Variants in C12orf42 observed in about 807,000 individuals in gnomAD.
C12orf42 encodes chromosome 12 open reading frame 42, also known as uncharacterized protein C12orf42.
In C12orf42, 25 loss-of-function variants were observed where a neutral mutation model predicts 21.6. The ratio of observed to expected loss-of-function variants is 1.16; its 90% CI spans 0.84 to 1.62. C12orf42 has a LOEUF of 1.62. C12orf42 is among the 40% of genes most tolerant of loss of function. C12orf42 has a pLI of 0.00. For missense variants in C12orf42, 483 were observed against 459.3 expected, an observed-to-expected ratio of 1.05 and a Z score of -0.47; for synonymous variants, 174 against 175.0, an observed-to-expected ratio of 0.99 and a Z score of 0.05.
chr12:103,170,456 C>T, the C12orf42 span, among the ~76,000 whole-genome samples: 1 of 152,090 alleles, frequency 6.6e-6, no homozygotes, highest in African/African-American at 2.4e-5. Context: ...CAAGTTTTGA[C>T]CACTTTATAC....
intron 4 of C12orf42, among the ~76,000 whole-genome samples, chr12:103,316,866 C>T (rs753923072): frequency 5.3e-5 from 8 of 152,046 alleles, no homozygotes; most frequent in African/African-American, 1.2e-4. Flanking sequence ...AGTGAATGCT[C>T]TTCAGTATTA....
rs188732493 is a variant in C12orf42 at position 103,412,602 on chromosome 12, G to A, written c.79-10927C>T. Among the ~76,000 whole-genome samples the A allele has an allele frequency of 5.1e-4, 77 of 152,348 alleles. 1 individual carries two copies. The highest frequency in any genetic ancestry group is 5.0e-3 in the Admixed American group (76 of 15,296). ...GAGAATCACTTGAACCTGGGAGGCA[G>A]AGGTTGGCTTACTACAACTTACTGC... On this transcript the variant is annotated intron_variant, in intron 2 of 5. Coordinates refer to ENST00000548883, the MANE Select transcript of C12orf42 (RefSeq NM_198521.5).
chr12:103,366,263 G>A (rs964354035), intron 4 of C12orf42, among the ~76,000 whole-genome samples: 1 of 152,100 alleles, frequency 6.6e-6, no homozygotes, highest in African/African-American at 2.4e-5. Context: ...GAAGCCACAT[G>A]TAGAAGAATG....
intron 3 of C12orf42, among the ~76,000 whole-genome samples, chr12:103,370,385 C>A (rs1328145854): frequency 6.6e-6 from 1 of 151,706 alleles, no homozygotes; most frequent in Non-Finnish European, 1.5e-5. Flanking sequence ...ATATATATAC[C>A]CCCAAAGGAA....
At chr12:103,062,922 A>G in the C12orf42 span, among the ~76,000 whole-genome samples, 5 of 151,984 alleles carry the variant, frequency 3.3e-5, no homozygotes, top group East Asian at 1.9e-4. Context: ...GCGTTTTTTT[A>G]TGCCGTTGGC....
chr12:103,287,211 C>T (rs1189832169), intron 4 of C12orf42, among the ~76,000 whole-genome samples: 1 of 152,148 alleles, frequency 6.6e-6, no homozygotes, highest in Non-Finnish European at 1.5e-5. Context: ...TGGGTATATA[C>T]CCAAAGGATT....
intron 1 of C12orf42, among the ~76,000 whole-genome samples, chr12:103,486,777 G>C (rs1593007784): frequency 6.6e-6 from 1 of 152,242 alleles, no homozygotes; most frequent in Non-Finnish European, 1.5e-5. Context: ...TCTGATAGTA[G>C]TTTGTATTTC....
At chr12:103,457,394 C>A (rs1341698595) in intron 2 of C12orf42, among the ~76,000 whole-genome samples, 3 of 152,044 alleles carry the variant, frequency 2.0e-5, no homozygotes, top group East Asian at 3.9e-4. Flanking sequence ...GTTTATACCC[C>A]AAAAATTGCT....
intron 3 of C12orf42, among the ~76,000 whole-genome samples, chr12:103,371,335 G>C (rs1017352286): frequency 6.6e-6 from 1 of 152,140 alleles, no homozygotes; most frequent in African/African-American, 2.4e-5. Flanking sequence ...AGGAGGCAGA[G>C]ACGGAAGCTT....
At chr12:103,510,804 T>A in the C12orf42 span, among the ~76,000 whole-genome samples, 1 of 152,218 alleles carries the variant, frequency 6.6e-6, no homozygotes, top group East Asian at 1.9e-4. Flanking sequence ...TCTTACCCCT[T>A]CTTTAATGGC....
At chr12:103,335,041 G>T (rs1159897796) in intron 4 of C12orf42, among the ~76,000 whole-genome samples, 1 of 152,088 alleles carries the variant, frequency 6.6e-6, no homozygotes, top group Non-Finnish European at 1.5e-5. Context: ...TCATTGCTTT[G>T]TTTTTATTTT....
chr12:103,186,258 G>A, the C12orf42 span, among the ~76,000 whole-genome samples: 66 of 152,130 alleles, frequency 4.3e-4, 1 homozygote, highest in Non-Finnish European at 7.8e-4. Flanking sequence ...AAAGAAGTTC[G>A]TAGGGTTCCA....
chr12:103,369,613 C>T (rs917124762), intron 3 of C12orf42, among the ~76,000 whole-genome samples: 2 of 151,618 alleles, frequency 1.3e-5, no homozygotes, highest in African/African-American at 4.8e-5. Flanking sequence ...AGAGGAGGCT[C>T]TTAAATCAAG....
chr12:103,465,723 A>G lies in C12orf42; in HGVS notation c.78+12626T>C, dbSNP rs564710480. Reference sequence around the variant, plus strand: ...CCAGCTTTTGCCCATTCAGTATGATATTGGCTGTGGGTTTATCATAAATGG... The same window carrying G: ...CCAGCTTTTGCCCATTCAGTATGATGTTGGCTGTGGGTTTATCATAAATGG... On this transcript the variant is annotated intron_variant, in intron 2 of 5. Transcript: ENST00000548883. 5.3e-5 allele frequency among the ~76,000 whole-genome samples: 8 copies of G among 152,230 alleles called. No individual in the cohort carries two copies. The South Asian group carries it at 1.7e-3, about 32-fold the overall frequency.
At chr12:103,065,941 C>A in the C12orf42 span, among the ~76,000 whole-genome samples, 14 of 152,300 alleles carry the variant, frequency 9.2e-5, no homozygotes, top group African/African-American at 3.4e-4. Flanking sequence ...TCTGTCCAAG[C>A]TGCTGTATAA....
Position 103,306,233 on chromosome 12 carries a change from A to G in C12orf42, c.372T>C (p.Tyr124=), listed in dbSNP as rs762790379. 3.1e-6 allele frequency: 5 copies of G among 1,613,824 alleles called. No homozygotes were observed. Among genetic ancestry groups the G allele is most frequent in the African/African-American group, 1.3e-5 (1 of 74,942 alleles). ...GTGCTGGAGAGGAACGGAATTCTTCATAGCTTTCTTCATCAAAAGAAACTG... is the reference window on the plus strand; with the variant it reads ...GTGCTGGAGAGGAACGGAATTCTTCGTAGCTTTCTTCATCAAAAGAAACTG... ...VSTVSFDEES[Y]EEFRSSPAPS... The change falls in exon 5 of 6, where the codon TAT becomes TAC. Residue 124 remains tyrosine, a synonymous_variant. Transcript: ENST00000548883.
At chr12:103,265,799 CTGTTTTGTTT>C (rs3063704), downstream of C12orf42, among the ~76,000 whole-genome samples, 13,826 of 150,228 alleles carry the variant, frequency 0.092, 1,756 homozygotes, top group African/African-American at 0.29. Flanking sequence ...ATTTCTTAGG[CTGTTTTGTTT>C]TGTTTTGTTT....
intron 2 of C12orf42, among the ~76,000 whole-genome samples, chr12:103,448,601 G>T (rs538641397): frequency 2.6e-5 from 4 of 151,080 alleles, no homozygotes; most frequent in South Asian, 4.2e-4. Context: ...AAGAAAACAC[G>T]ATCTCATCAA....
At chr12:103,462,895 T>A (rs1468161891) in intron 2 of C12orf42, among the ~76,000 whole-genome samples, 3 of 152,198 alleles carry the variant, frequency 2.0e-5, no homozygotes, top group Non-Finnish European at 1.5e-5. Context: ...CTGGACAAGA[T>A]CACAGCAATG....
Sources: allele counts gnomAD v4.1 joint callset (sites outside exome capture counted in the v4.1 genomes callset), GRCh38; gene constraint gnomAD v4.1.1; transcripts MANE v1.5; gene names NCBI Gene and HGNC (gene_info 2026-07-23, HGNC 2026-07-21).